Variants in MICALL2 observed in about 807,000 individuals in gnomAD.
MICALL2 encodes MICAL like 2, also known as MICAL-like protein 2.
In MICALL2, 111 loss-of-function variants were observed where a neutral mutation model predicts 91.1. The ratio of observed to expected loss-of-function variants is 1.22; its 90% CI spans 1.04 to 1.43. The LOEUF is 1.43. Ranked by LOEUF, MICALL2 falls within the 40% of genes most tolerant of loss-of-function variation. The pLI is 0.00. For missense variants in MICALL2, 1,556 were observed against 1,236.0 expected, an observed-to-expected ratio of 1.26 and a Z score of -3.88; for synonymous variants, 694 against 525.3, an observed-to-expected ratio of 1.32 and a Z score of -4.39.
In MICALL2 at chr7:1,437,518, G is replaced by GCGCGCGGGGGACGCGCGGGGGA. The variant is rs201589719; in HGVS notation, c.2476+16_2476+17insTCCCCCGCGCGTCCCCCGCGCG. Reference sequence around the variant, plus strand: ...ATCCCTGGCTGGGGCCCCTTGGCTGGCGCGCGGGGGACGCACCGGGCTTGG... The same window carrying GCGCGCGGGGGACGCGCGGGGGA: ...ATCCCTGGCTGGGGCCCCTTGGCTGGCGCGCGGGGGACGCGCGGGGGACGCGCGGGGGACGCACCGGGCTTGG... On this transcript the variant is annotated intron_variant, in intron 14 of 16. Coordinates refer to ENST00000297508, the MANE Select transcript of MICALL2 (RefSeq NM_182924.4). 4.8e-5 allele frequency: 72 copies of GCGCGCGGGGGACGCGCGGGGGA among 1,510,040 alleles called. No individual in the cohort carries two copies. In the African/African-American group the frequency reaches 9.7e-4, roughly 20 times the overall value. 93.5% of individuals were successfully genotyped at this position (1,510,040 alleles called of 1,614,324 possible).
chr7:1,449,705 C>T (rs968189443), intron 2 of MICALL2, among the ~76,000 whole-genome samples: 7 of 152,180 alleles, frequency 4.6e-5, no homozygotes, highest in Admixed American at 2.0e-4. Context: ...GCCTGCAGGG[C>T]GCGTGGTGAG....
chr7:1,450,596 G>T (rs539418565), intron 1 of MICALL2: 18 of 361,742 alleles, frequency 5.0e-5, no homozygotes, highest in Middle Eastern at 8.7e-4. Flanking sequence ...GGCCTGGGAG[G>T]TGAGGTCACC....
At chr7:1,439,616 T>C (rs188794358) in intron 9 of MICALL2, 71 of 310,822 alleles carry the variant, frequency 2.3e-4, no homozygotes, top group East Asian at 1.3e-3. Flanking sequence ...ACACATCACA[T>C]ACATGAACAG....
At chr7:1,435,276 C>G in intron 15 of MICALL2, 129 bp from the exon 16 acceptor site, 1 of 867,768 alleles carries the variant, frequency 1.2e-6, no homozygotes, top group African/African-American at 1.6e-5. Context: ...CCTGCCCCTT[C>G]CTGCTGACAG....
chr7:1,459,383 T>C lies in MICALL2; in HGVS notation c.-57A>G, dbSNP rs1361964977. ...GCCCTCCGACACCTTCCCGCGGCTG[T>C]GCCGCGACCGCCCGGCCGGCGGGAC... On this transcript the variant is annotated 5_prime_UTR_variant, in exon 1 of 17. Transcript: ENST00000297508. 8.2e-7 allele frequency: 1 copy of C among 1,215,972 alleles called. No individual in the cohort carries two copies. Among genetic ancestry groups the C allele is most frequent in the Non-Finnish European group, 1.0e-6 (1 of 952,566 alleles). The allele number at this position is 1,215,972 out of a possible 1,614,324, so 75.3% of individuals were successfully genotyped here.
In MICALL2 at chr7:1,459,346, C is replaced by G; in HGVS notation, c.-20G>C. 6.8e-7 allele frequency: 1 copy of G among 1,480,638 alleles called. No individual in the cohort carries two copies. Among genetic ancestry groups the G allele is most frequent in the East Asian group, 2.9e-5 (1 of 33,940 alleles). 91.7% of individuals were successfully genotyped at this position (1,480,638 alleles called of 1,614,324 possible). ...CGCCATGTGGGCGGCGCGCCCGCCGCGCGGCGGAACCGCCCTCCGACACCT... is the reference window on the plus strand; with the variant it reads ...CGCCATGTGGGCGGCGCGCCCGCCGGGCGGCGGAACCGCCCTCCGACACCT... On this transcript the variant is annotated 5_prime_UTR_variant, in exon 1 of 17. Transcript: ENST00000297508.
At position 1,437,003 on chromosome 7, in the gene MICALL2, G is replaced by A. The variant is rs1278244536; in HGVS notation, c.2477-147C>T. ...GGGATCCGGAGCAGAATGAATGAGT[G>A]AATAAGTGAATGAAGGAAGGAACGG... On this transcript the variant is annotated intron_variant, in intron 14 of 16. Transcript: ENST00000297508. The A allele has an allele frequency of 5.4e-6, 3 of 551,296 alleles. No homozygotes were observed. The African/African-American group carries it at 5.9e-5, about 11-fold the overall frequency. The allele number at this position is 551,296 out of a possible 1,614,324, so 34.2% of individuals were successfully genotyped here.
At chr7:1,456,171 A>T (rs1370190621) in intron 1 of MICALL2, among the ~76,000 whole-genome samples, 1 of 149,234 alleles carries the variant, frequency 6.7e-6, no homozygotes, top group Non-Finnish European at 1.5e-5. Flanking sequence ...CTGTAATCCC[A>T]GCGCTTCGGG....
At chr7:1,455,417 G>A (rs548077968) in intron 1 of MICALL2, among the ~76,000 whole-genome samples, 4 of 152,342 alleles carry the variant, frequency 2.6e-5, no homozygotes, top group African/African-American at 7.2e-5. Context: ...ACCCACAGCC[G>A]CAGGTGAGAC....
At chr7:1,450,407 A>C (rs1392240922) in intron 1 of MICALL2, 119 bp from the exon 2 acceptor site, 1 of 830,684 alleles carries the variant, frequency 1.2e-6, no homozygotes, top group East Asian at 2.5e-5. Context: ...GGGGCTGTGA[A>C]GGAATGAGGT....
chr7:1,449,483 G>A (rs114015486), intron 2 of MICALL2, among the ~76,000 whole-genome samples: 3 of 152,234 alleles, frequency 2.0e-5, no homozygotes, highest in South Asian at 4.1e-4. Flanking sequence ...CTAATTTTTG[G>A]TATTTTTAGT....
chr7:1,443,723 A>G (rs1356705691), intron 6 of MICALL2, among the ~76,000 whole-genome samples: 1 of 152,132 alleles, frequency 6.6e-6, no homozygotes, highest in Non-Finnish European at 1.5e-5. Context: ...AGCCGCTGGG[A>G]GCTGGAAGAG....
At position 1,451,942 on chromosome 7, in the gene MICALL2, T is replaced by C. The variant is rs769713244; in HGVS notation, c.144-1654A>G. On this transcript the variant is annotated intron_variant, in intron 1 of 16. Transcript: ENST00000297508. This position sits in a 1 kb window ranked among gnomAD's most constrained non-coding sequence, Gnocchi z 4.5. ...GAGCCCATTTCACCTGTTTCACAGATGGGGAAACTGAGGCCAGGCAGCAGC... is the reference window on the plus strand; with the variant it reads ...GAGCCCATTTCACCTGTTTCACAGACGGGGAAACTGAGGCCAGGCAGCAGC... Among the ~76,000 whole-genome samples the C allele has an allele frequency of 1.3e-5, 2 of 152,094 alleles. No homozygotes were observed. Among genetic ancestry groups the C allele is most frequent in the African/African-American group, 2.4e-5 (1 of 41,414 alleles).
rs1780808861 is a variant in MICALL2, at chr7:1,451,053, T to C, written c.144-765A>G. ...ATGGTTCTCTCTTTGGGTGGTGGAG[T>C]GCCTTCCCAGGTGCTCAGCGAGGGC... On this transcript the variant is annotated intron_variant, in intron 1 of 16. Coordinates refer to ENST00000297508, the MANE Select transcript of MICALL2 (RefSeq NM_182924.4). The surrounding 1 kb of genome is among the most constrained non-coding windows in gnomAD (Gnocchi z 4.5). 6.6e-6 allele frequency among the ~76,000 whole-genome samples: 1 copy of C among 151,766 alleles called. No individual in the cohort carries two copies. Among genetic ancestry groups the C allele is most frequent in the East Asian group, 1.9e-4 (1 of 5,182 alleles).
intron 5 of MICALL2, 151 bp downstream of exon 5, chr7:1,446,562 C>CGGGAGGAGGGGAGAA (rs1780596605): frequency 6.0e-6 from 3 of 495,958 alleles, no homozygotes; most frequent in Non-Finnish European, 1.1e-5. Context: ...GGAGGGGAGA[C>CGGGAGGAGGGGAGAA]GGGGAGGGGG....
rs148060810 is a variant in MICALL2, at chr7:1,438,313, G to A, written c.2163C>T (p.Gly721=). The change falls in exon 11 of 17, where the codon GGC becomes GGT. Residue 721 remains glycine (G), a synonymous_variant. Transcript: ENST00000297508. ...CCCTGACTGGGGAGGTCACCGTCTC[G>A]CCAGGCAGAGCAGGGACATTGGCCG... ...LSPANVPALP[G]ETVTSPVRLH... is the part of the protein sequence containing the mutation. 113 of 1,603,378 alleles carry A rather than the reference G, an allele frequency of 7.0e-5. No individual in the cohort carries two copies. The highest frequency in any genetic ancestry group is 1.6e-4 in the East Asian group (7 of 44,540).
At chr7:1,436,933 C>A in intron 14 of MICALL2, 77 bp from the exon 15 acceptor site, 1 of 1,080,326 alleles carries the variant, frequency 9.3e-7, no homozygotes, top group Non-Finnish European at 1.3e-6. Context: ...CCCCACCACC[C>A]AAGCGCCAGG....
chr7:1,450,461 G>A, intron 1 of MICALL2, 173 bp from the exon 2 acceptor site: 1 of 625,442 alleles, frequency 1.6e-6, no homozygotes, highest in Non-Finnish European at 2.9e-6. Context: ...TCCCGGCCCT[G>A]CTCCGGCCAC....
intron 9 of MICALL2, 81 bp downstream of exon 9, chr7:1,439,844 C>T: frequency 8.1e-7 from 1 of 1,237,830 alleles, no homozygotes; most frequent in African/African-American, 1.6e-5. Flanking sequence ...GGTGGCACTA[C>T]AGGTCCAGTC....
Sources: gnomAD v4.1 joint callset for allele counts (sites outside exome capture counted in the v4.1 genomes callset) on GRCh38, gnomAD v4.1.1 for gene constraint, Gnocchi (gnomAD v3.1) non-coding constraint, MANE v1.5 for transcripts, NCBI Gene and HGNC (gene_info 2026-07-23, HGNC 2026-07-21) for gene names.